The following KLHL1 variants were observed in gnomAD, a reference collection of about 807,000 sequenced individuals.
KLHL1 encodes the protein kelch-like protein 1.
In KLHL1, 47 loss-of-function variants were observed where a neutral mutation model predicts 77.7. That is an observed-to-expected ratio of 0.60 (90% CI 0.48 to 0.77). The LOEUF (loss-of-function observed/expected upper bound fraction) is 0.77, where lower values mean the gene tolerates loss of function less well. Among genes scored for constraint, KLHL1 ranks in the 30% least tolerant of loss-of-function variants. The pLI, the probability that KLHL1 is intolerant of heterozygous loss-of-function variation, is 0.00. For synonymous variants in KLHL1, 360 were observed against 325.2 expected (o/e 1.11, Z -1.15); for missense variants, 925 against 910.8 (o/e 1.02, Z -0.20).
chr13:70,074,244 G>A (rs1276600968), intron 1 of KLHL1, among the ~76,000 whole-genome samples: 1 of 152,224 alleles, frequency 6.6e-6, no homozygotes, highest in East Asian at 1.9e-4. Context: ...CTGAGACTGA[G>A]TAGGACTGTT....
At chr13:70,090,528 T>A (rs1329317188) in intron 1 of KLHL1, among the ~76,000 whole-genome samples, 2 of 152,014 alleles carry the variant, frequency 1.3e-5, no homozygotes, top group Non-Finnish European at 2.9e-5. Flanking sequence ...GTCATTATCC[T>A]CTGCTCTTTC....
At chr13:69,891,998 G>A (rs1881439075) in intron 4 of KLHL1, among the ~76,000 whole-genome samples, 1 of 151,750 alleles carries the variant, frequency 6.6e-6, no homozygotes, top group Admixed American at 6.6e-5. Flanking sequence ...TAATTACTTT[G>A]CAAAGTTTAA....
chr13:69,799,884 C>T (rs551476567), intron 6 of KLHL1, among the ~76,000 whole-genome samples: 1 of 152,310 alleles, frequency 6.6e-6, no homozygotes, highest in African/African-American at 2.4e-5. Flanking sequence ...GCTCCACCTT[C>T]TGTCAGACCA....
At chr13:69,853,560 G>A (rs1218235825) in intron 5 of KLHL1, among the ~76,000 whole-genome samples, 1 of 151,886 alleles carries the variant, frequency 6.6e-6, no homozygotes, top group Non-Finnish European at 1.5e-5. Context: ...GGCCCTCCTG[G>A]ACTTGCATAT....
In KLHL1 at chr13:69,779,046, C is replaced by T. The variant is rs147435655; in HGVS notation, c.1639+17692G>A. On this transcript the variant is annotated intron_variant, in intron 7 of 10. Transcript: ENST00000377844. ...ATCTCCTGACCTCATGATCAGCCCA[C>T]CTCAGCCTCCCAAAGTGCTGGGATT... 7.4e-4 allele frequency among the ~76,000 whole-genome samples: 112 copies of T among 152,184 alleles called. 1 individual carries two copies. Among genetic ancestry groups the T allele is most frequent in the African/African-American group, 2.6e-3 (110 of 41,546 alleles).
At chr13:69,903,697 A>G (rs1289091701) in intron 4 of KLHL1, among the ~76,000 whole-genome samples, 1 of 114,138 alleles carries the variant, frequency 8.8e-6, no homozygotes, top group Non-Finnish European at 1.6e-5. Context: ...GCTGGAGTGC[A>G]GTAGTGGAAT....
At chr13:69,944,840 G>A (rs1340775403) in intron 3 of KLHL1, among the ~76,000 whole-genome samples, 1 of 152,072 alleles carries the variant, frequency 6.6e-6, no homozygotes, top group Non-Finnish European at 1.5e-5. Context: ...AGGCACAAAA[G>A]TCATTTGAGA....
chr13:70,021,213 T>C (rs1484256871), intron 1 of KLHL1, among the ~76,000 whole-genome samples: 1 of 152,062 alleles, frequency 6.6e-6, no homozygotes. Flanking sequence ...CTTCTGAAAC[T>C]TTTTAGTGTT....
intron 1 of KLHL1, among the ~76,000 whole-genome samples, chr13:70,012,660 C>T (rs1011867344): frequency 6.6e-6 from 1 of 152,150 alleles, no homozygotes; most frequent in African/African-American, 2.4e-5. Flanking sequence ...CCTGTAATCC[C>T]AGCACTTTGG....
intron 7 of KLHL1, among the ~76,000 whole-genome samples, chr13:69,757,728 G>A (rs1192785349): frequency 6.6e-6 from 1 of 152,050 alleles, no homozygotes; most frequent in Non-Finnish European, 1.5e-5. Flanking sequence ...GAGGCCAGAG[G>A]ATCACCTGAG....
chr13:69,720,923 G>A (rs1873016812), intron 8 of KLHL1, among the ~76,000 whole-genome samples: 1 of 142,320 alleles, frequency 7.0e-6, no homozygotes, highest in African/African-American at 2.6e-5. Context: ...TGATTAGTTT[G>A]TGTTTTAATG....
At chr13:69,880,321 T>C (rs1310969766) in intron 5 of KLHL1, among the ~76,000 whole-genome samples, 2 of 152,154 alleles carry the variant, frequency 1.3e-5, no homozygotes, top group African/African-American at 2.4e-5. Flanking sequence ...TAGCCCTTCT[T>C]TTATATGAAG....
intron 1 of KLHL1, among the ~76,000 whole-genome samples, chr13:70,090,760 C>T (rs1887653019): frequency 6.6e-6 from 1 of 152,060 alleles, no homozygotes; most frequent in Non-Finnish European, 1.5e-5. Flanking sequence ...TACTGGGAAA[C>T]ATCCATGTTG....
At chr13:69,980,658 T>G (rs1277362248) in intron 1 of KLHL1, among the ~76,000 whole-genome samples, 1 of 152,192 alleles carries the variant, frequency 6.6e-6, no homozygotes, top group Non-Finnish European at 1.5e-5. Flanking sequence ...AAGCCTTATT[T>G]TTTTCAGCGA....
intron 1 of KLHL1, among the ~76,000 whole-genome samples, chr13:70,046,952 A>T (rs982438210): frequency 6.6e-6 from 1 of 152,222 alleles, no homozygotes; most frequent in Admixed American, 6.5e-5. Flanking sequence ...CATAGGTTAC[A>T]TGGACTGCTT....
chr13:69,728,761 T>C (rs1052504817), intron 8 of KLHL1, among the ~76,000 whole-genome samples: 3 of 151,414 alleles, frequency 2.0e-5, no homozygotes, highest in Non-Finnish European at 4.4e-5. Flanking sequence ...TGAGCTGAGA[T>C]TGTGCCACTA....
intron 3 of KLHL1, among the ~76,000 whole-genome samples, chr13:69,947,002 C>G (rs1353170819): frequency 6.7e-6 from 1 of 150,354 alleles, no homozygotes; most frequent in Non-Finnish European, 1.5e-5. Flanking sequence ...AAACTTGAGC[C>G]TGCCATACAA....
At chr13:69,943,868 G>C (rs1449865889) in intron 3 of KLHL1, among the ~76,000 whole-genome samples, 1 of 152,170 alleles carries the variant, frequency 6.6e-6, no homozygotes, top group African/African-American at 2.4e-5. Context: ...CATAGATCTT[G>C]AGAGAAAATC....
intron 4 of KLHL1, among the ~76,000 whole-genome samples, chr13:69,927,943 T>A (rs964837777): frequency 6.6e-6 from 1 of 152,190 alleles, no homozygotes; most frequent in Non-Finnish European, 1.5e-5. Flanking sequence ...TGAATGTTCA[T>A]AGCAGTCAAG....
Sources: allele counts gnomAD v4.1 joint callset (sites outside exome capture counted in the v4.1 genomes callset), GRCh38; gene constraint gnomAD v4.1.1; transcripts MANE v1.5; gene names NCBI Gene and HGNC (gene_info 2026-07-23, HGNC 2026-07-21).